Variants in TTLL11 observed in about 807,000 individuals in gnomAD.
TTLL11 encodes the protein tubulin polyglutamylase TTLL11.
TTLL11 carries 42 observed loss-of-function variants against 51.7 expected under a neutral mutation model. That is an observed-to-expected ratio of 0.81 (90% confidence interval 0.64 to 1.05). The LOEUF (loss-of-function observed/expected upper bound fraction) is 1.05, where lower values mean the gene tolerates loss of function less well. Among genes scored for constraint, TTLL11 ranks in the 50% least tolerant of loss-of-function variants. TTLL11 has a pLI of 0.00. For missense variants in TTLL11, 799 were observed against 940.4 expected (o/e 0.85, Z 1.97); for synonymous variants, 381 against 383.5 (o/e 0.99, Z 0.08).
intron 6 of TTLL11, among the ~76,000 whole-genome samples, chr9:121,946,278 C>T (rs373562479): frequency 7.2e-5 from 11 of 152,228 alleles, no homozygotes; most frequent in Admixed American, 3.3e-4. Context: ...CTCAACAAGC[C>T]GACAGGAGCT....
chr9:121,939,296 T>C (rs1473269473), intron 6 of TTLL11, among the ~76,000 whole-genome samples: 2 of 152,196 alleles, frequency 1.3e-5, no homozygotes, highest in Admixed American at 6.5e-5. Context: ...AAGGAAATAT[T>C]ATACAGCAGT....
intron 6 of TTLL11, among the ~76,000 whole-genome samples, chr9:121,972,036 C>T (rs146041260): frequency 2.2e-4 from 34 of 151,324 alleles, no homozygotes; most frequent in Middle Eastern, 3.4e-3. Flanking sequence ...ATGTAGATGA[C>T]ATGTTGATGG....
intron 6 of TTLL11, among the ~76,000 whole-genome samples, chr9:121,924,526 GA>G (rs1840651179): frequency 6.6e-6 from 1 of 152,198 alleles, no homozygotes; most frequent in Non-Finnish European, 1.5e-5. Context: ...CCTTTCAGAG[GA>G]AGATGAAAAA....
At chr9:121,832,016 G>A (rs889398430) in intron 8 of TTLL11, among the ~76,000 whole-genome samples, 1 of 152,162 alleles carries the variant, frequency 6.6e-6, no homozygotes, top group Non-Finnish European at 1.5e-5. Flanking sequence ...TGGCAGAGAG[G>A]CAGATTGGGC....
intron 4 of TTLL11, among the ~76,000 whole-genome samples, chr9:121,988,481 A>T (rs4837931): frequency 0.075 from 11,259 of 150,478 alleles, 863 homozygotes; most frequent in African/African-American, 0.19. Flanking sequence ...AACCTCTTCC[A>T]GTGCCTCCTG....
At chr9:122,044,719 C>T (rs994854310) in intron 1 of TTLL11, among the ~76,000 whole-genome samples, 7 of 152,068 alleles carry the variant, frequency 4.6e-5, no homozygotes, top group African/African-American at 1.7e-4. Context: ...ATACTAATGG[C>T]CAATGAGCAT....
At chr9:121,927,969 C>A (rs1840806400) in intron 6 of TTLL11, among the ~76,000 whole-genome samples, 1 of 152,166 alleles carries the variant, frequency 6.6e-6, no homozygotes, top group Non-Finnish European at 1.5e-5. Flanking sequence ...CAGAAGTCAG[C>A]ATAGGAGCTT....
At position 121,989,606 on chromosome 9, in the gene TTLL11, G is replaced by A; in HGVS notation, c.858C>T (p.Cys286=). 6.2e-7 allele frequency: 1 copy of A among 1,614,104 alleles called. No individual in the cohort carries two copies. Among genetic ancestry groups the A allele is most frequent in the Non-Finnish European group, 8.5e-7 (1 of 1,180,026 alleles). ...SRPAVVQEYI[C]KPLLIDKLKF... is the part of the protein sequence containing the mutation. ...TGAGCTTGTCGATAAGGAGAGGTTT[G>A]CAGATGTACTCCTGGACCACCGCTG... The change falls in exon 4 of 9, where the codon TGC becomes TGT. Residue 286 remains cysteine, a synonymous_variant. Transcript: ENST00000321582. This position sits in a 1 kb window ranked among gnomAD's most constrained non-coding sequence, Gnocchi z 4.2.
At chr9:122,038,383 G>A (rs1844758432) in intron 2 of TTLL11, among the ~76,000 whole-genome samples, 2 of 152,054 alleles carry the variant, frequency 1.3e-5, no homozygotes, top group Non-Finnish European at 2.9e-5. Flanking sequence ...AGTGGCTCAC[G>A]CTTGTAATCC....
chr9:121,983,980 T>C (rs935793167), intron 4 of TTLL11, among the ~76,000 whole-genome samples: 6 of 152,150 alleles, frequency 3.9e-5, no homozygotes, highest in African/African-American at 1.4e-4. Flanking sequence ...GGGGCTTGAA[T>C]AGCACCTTAG....
chr9:121,961,992 G>A (rs1260928625), intron 6 of TTLL11, among the ~76,000 whole-genome samples: 1 of 152,204 alleles, frequency 6.6e-6, no homozygotes, highest in Non-Finnish European at 1.5e-5. Flanking sequence ...GGAGGCAGAG[G>A]TTGCAGTGAG....
At chr9:122,000,471 CAA>C (rs57775265) in intron 3 of TTLL11, among the ~76,000 whole-genome samples, 25 of 22,814 alleles carry the variant, frequency 1.1e-3, no homozygotes, top group Admixed American at 2.0e-3. Context: ...GACTCCGTCG[CAA>C]AAAAAAAAAA....
Position 121,917,969 on chromosome 9 carries a change from A to T in TTLL11, c.1482-47221T>A, listed in dbSNP as rs1427448798. Among the ~76,000 whole-genome samples, 3 of 148,116 alleles carry T rather than the reference A, an allele frequency of 2.0e-5. No individual in the cohort carries two copies. The East Asian group carries it at 5.9e-4, about 29-fold the overall frequency. ...CCCTAAATAACTATAAAAAGTAGGC[A>T]TTTTTTTTTTTTGAGGCCAGTGTTT... On this transcript the variant is annotated intron_variant, in intron 6 of 8. Coordinates refer to ENST00000321582, the MANE Select transcript of TTLL11 (RefSeq NM_001139442.2).
rs192062354 is a variant in TTLL11 at position 121,932,378 on chromosome 9, T to C, written c.1481+41631A>G. 1.8e-3 allele frequency among the ~76,000 whole-genome samples: 277 copies of C among 152,352 alleles called. 2 individuals carry two copies. Among genetic ancestry groups the C allele is most frequent in the African/African-American group, 6.5e-3 (270 of 41,584 alleles). On this transcript the variant is annotated intron_variant, in intron 6 of 8. Transcript: ENST00000321582. ...GGCTGTGTTTTCTCCTGCACCTGCATCCTTCCTTGGTACCAGGCACCACCT... is the reference window on the plus strand; with the variant it reads ...GGCTGTGTTTTCTCCTGCACCTGCACCCTTCCTTGGTACCAGGCACCACCT...
intron 6 of TTLL11, among the ~76,000 whole-genome samples, chr9:121,936,856 T>A (rs569554538): frequency 6.6e-6 from 1 of 152,380 alleles, no homozygotes; most frequent in African/African-American, 2.4e-5. Flanking sequence ...TGTGGGCTTT[T>A]AAAACATAAC....
chr9:121,841,998 C>T (rs1389163954), intron 8 of TTLL11, among the ~76,000 whole-genome samples: 1 of 152,062 alleles, frequency 6.6e-6, no homozygotes, highest in African/African-American at 2.4e-5. Context: ...CAGAGCTCCC[C>T]GAGAGCATGT....
chr9:121,829,774 TAC>T (rs10536790), intron 8 of TTLL11, among the ~76,000 whole-genome samples: 21,029 of 143,798 alleles, frequency 0.15, 1,451 homozygotes, highest in Admixed American at 0.18. Flanking sequence ...ATAATTCAAG[TAC>T]ACACACACAC....
chr9:121,954,678 G>GCGCACACACA (rs1554773860), intron 6 of TTLL11, among the ~76,000 whole-genome samples: 44 of 149,410 alleles, frequency 2.9e-4, no homozygotes, highest in African/African-American at 1.0e-3. Context: ...ACACACAGAC[G>GCGCACACACA]CACACACACA....
At chr9:122,058,235 C>T (rs1845345093) in intron 1 of TTLL11, among the ~76,000 whole-genome samples, 1 of 152,192 alleles carries the variant, frequency 6.6e-6, no homozygotes, top group African/African-American at 2.4e-5. Context: ...TAGCCCAGTG[C>T]CTGGGAGGGA....
Sources: gnomAD v4.1 joint callset for allele counts (sites outside exome capture counted in the v4.1 genomes callset) on GRCh38, gnomAD v4.1.1 for gene constraint, Gnocchi (gnomAD v3.1) non-coding constraint, MANE v1.5 for transcripts, NCBI Gene and HGNC (gene_info 2026-07-23, HGNC 2026-07-21) for gene names.